The following CACNG3 variants were observed in gnomAD, a reference collection of about 807,000 sequenced individuals.
CACNG3 encodes voltage-dependent calcium channel gamma-3 subunit.
Under a neutral mutation model 28.5 loss-of-function variants are expected in CACNG3, and 3 were observed. That is an observed-to-expected ratio of 0.11 (90% CI 0.05 to 0.27). CACNG3 has a LOEUF of 0.27. Ranked by LOEUF, CACNG3 falls within the 10% of genes least tolerant of loss-of-function variation. CACNG3 has a pLI of 1.00. For synonymous variants in CACNG3, 174 were observed against 162.2 expected (o/e 1.07, Z -0.55); for missense variants, 236 against 414.4 (o/e 0.57, Z 3.74).
chr16:24,353,293 T>C (rs112710601), intron 2 of CACNG3, among the ~76,000 whole-genome samples: 8,328 of 152,288 alleles, frequency 0.055, 325 homozygotes, highest in East Asian at 0.14. Flanking sequence ...CATTTTTGTG[T>C]TGCACAAGGC....
chr16:24,291,051 T>C (rs1350774910), intron 1 of CACNG3, among the ~76,000 whole-genome samples: 8 of 152,186 alleles, frequency 5.3e-5, no homozygotes, highest in African/African-American at 1.7e-4. Context: ...CCAGGTGACC[T>C]TGGGCATGTC....
At chr16:24,344,410 GAA>G (rs11397837) in intron 1 of CACNG3, among the ~76,000 whole-genome samples, 1,525 of 146,210 alleles carry the variant, frequency 0.01, 23 homozygotes, top group East Asian at 0.053. Context: ...CTCAGTCTCA[GAA>G]AAAAAAAAAA....
At position 24,297,928 on chromosome 16, in the gene CACNG3, A is replaced by G. The variant is rs370844892; in HGVS notation, c.211+40963A>G. Among the ~76,000 whole-genome samples, 13 of 152,214 alleles carry G rather than the reference A, an allele frequency of 8.5e-5. No individual in the cohort carries two copies. In the East Asian group the frequency reaches 1.7e-3, roughly 20 times the overall value. On this transcript the variant is annotated intron_variant, in intron 1 of 3. Coordinates refer to ENST00000005284, the MANE Select transcript of CACNG3 (RefSeq NM_006539.4). Reference sequence around the variant, plus strand: ...CCCAAAGTTGTTGTCACAGTAGCCTAAATGAGGGTCCTCAGCCTGGGCCTG... The same window carrying G: ...CCCAAAGTTGTTGTCACAGTAGCCTGAATGAGGGTCCTCAGCCTGGGCCTG...
intron 1 of CACNG3, among the ~76,000 whole-genome samples, chr16:24,334,969 A>G (rs1191042053): frequency 1.3e-5 from 2 of 152,156 alleles, no homozygotes; most frequent in South Asian, 2.1e-4. Context: ...TCTCACCCCC[A>G]TGCCCAAAAT....
chr16:24,334,337 A>G (rs1256273278), intron 1 of CACNG3, among the ~76,000 whole-genome samples: 1 of 152,184 alleles, frequency 6.6e-6, no homozygotes, highest in Non-Finnish European at 1.5e-5. Flanking sequence ...GGTTCCAGGC[A>G]CTGTGGCTGG....
At chr16:24,357,984 C>T (rs976941937) in intron 3 of CACNG3, among the ~76,000 whole-genome samples, 6 of 152,178 alleles carry the variant, frequency 3.9e-5, no homozygotes, top group Non-Finnish European at 5.9e-5. Flanking sequence ...GACGGGAAGG[C>T]AGAGGCTTGG....
intron 1 of CACNG3, among the ~76,000 whole-genome samples, chr16:24,277,191 T>C (rs7186490): frequency 0.032 from 4,908 of 152,242 alleles, 283 homozygotes; most frequent in African/African-American, 0.11. Context: ...CCTCAGTCCA[T>C]GTGGTTTGGG....
At chr16:24,353,677 C>A (rs990618903) in intron 2 of CACNG3, among the ~76,000 whole-genome samples, 1 of 152,240 alleles carries the variant, frequency 6.6e-6, no homozygotes, top group Non-Finnish European at 1.5e-5. Flanking sequence ...CACCTAGCAT[C>A]TATTAGGTGC....
chr16:24,318,048 A>G (rs1316808324), intron 1 of CACNG3, among the ~76,000 whole-genome samples: 1 of 152,144 alleles, frequency 6.6e-6, no homozygotes, highest in Non-Finnish European at 1.5e-5. Context: ...GTGACAGGCT[A>G]TCCTGCCTCC....
intron 1 of CACNG3, among the ~76,000 whole-genome samples, chr16:24,276,259 A>G (rs963451423): frequency 2.0e-5 from 3 of 152,230 alleles, no homozygotes; most frequent in African/African-American, 4.8e-5. Flanking sequence ...TTATACAAAT[A>G]TTTATGTTAA....
rs932850190 is a variant in CACNG3 at position 24,344,019 on chromosome 16, GC to G, written c.212-2714del. 2.6e-5 allele frequency among the ~76,000 whole-genome samples: 4 copies of G among 152,090 alleles called. No homozygotes were observed. The South Asian group carries it at 8.3e-4, about 32-fold the overall frequency. ...CAGGAGAATGGCGTGAGCAGAGCAA[GC>G]AGTGAGCCAAGATTGCGTCACTGCA... is the stretch of plus-strand genomic sequence containing the variant. On this transcript the variant is annotated intron_variant, in intron 1 of 3. Transcript: ENST00000005284.
intron 1 of CACNG3, among the ~76,000 whole-genome samples, chr16:24,263,901 C>G (rs575983592): frequency 3.3e-4 from 50 of 152,344 alleles, no homozygotes; most frequent in African/African-American, 1.2e-3. Flanking sequence ...CTTGTAGTTC[C>G]TCAGTGAGGT....
chr16:24,298,152 G>T (rs374492867), intron 1 of CACNG3, among the ~76,000 whole-genome samples: 2 of 152,238 alleles, frequency 1.3e-5, no homozygotes, highest in African/African-American at 4.8e-5. Context: ...ACCCCTTCAA[G>T]TAAGTATATT....
At chr16:24,282,785 C>A (rs1318372073) in intron 1 of CACNG3, among the ~76,000 whole-genome samples, 1 of 151,968 alleles carries the variant, frequency 6.6e-6, no homozygotes, top group African/African-American at 2.4e-5. Flanking sequence ...TATTTCTGAA[C>A]CTTCTATTCT....
At chr16:24,360,247 C>CA (rs35529586) in intron 3 of CACNG3, among the ~76,000 whole-genome samples, 22 of 151,330 alleles carry the variant, frequency 1.5e-4, no homozygotes, top group South Asian at 1.0e-3. Flanking sequence ...AACAAAGGGA[C>CA]AAAAAAAAAG....
chr16:24,317,569 A>G (rs1255087991), intron 1 of CACNG3, among the ~76,000 whole-genome samples: 4 of 50,592 alleles, frequency 7.9e-5, no homozygotes, highest in Non-Finnish European at 1.4e-4. Context: ...AAAGAAAGAA[A>G]GAAAGAAAGA....
chr16:24,316,330 C>A (rs1202968078), intron 1 of CACNG3, among the ~76,000 whole-genome samples: 2 of 151,552 alleles, frequency 1.3e-5, no homozygotes, highest in Non-Finnish European at 2.9e-5. Flanking sequence ...TGAAACATGC[C>A]CCCACGCCTT....
chr16:24,336,412 T>C (rs762644025), intron 1 of CACNG3, among the ~76,000 whole-genome samples: 7 of 150,984 alleles, frequency 4.6e-5, no homozygotes, highest in Non-Finnish European at 3.0e-5. Flanking sequence ...GCAGGGACTA[T>C]AGGCGCCCGC....
At chr16:24,265,843 C>T (rs1249593347) in intron 1 of CACNG3, among the ~76,000 whole-genome samples, 5 of 152,100 alleles carry the variant, frequency 3.3e-5, no homozygotes, top group African/African-American at 1.2e-4. Flanking sequence ...TGCTGCTTGG[C>T]CTGCAAAGCC....
Sources: gnomAD v4.1 joint callset for allele counts (sites outside exome capture counted in the v4.1 genomes callset) on GRCh38, gnomAD v4.1.1 for gene constraint, MANE v1.5 for transcripts, NCBI Gene and HGNC (gene_info 2026-07-23, HGNC 2026-07-21) for gene names.